The following ATRX variants were observed in gnomAD, a reference collection of about 807,000 sequenced individuals.
ATRX encodes ATRX chromatin remodeler.
Under a neutral mutation model 172.6 loss-of-function variants are expected in ATRX, and 12 were observed. The observed-to-expected ratio is 0.07, with a 90% CI of 0.04 to 0.11. The LOEUF is 0.11. Among genes scored for constraint, ATRX ranks in the 10% least tolerant of loss-of-function variants. The probability of loss-of-function intolerance (pLI) is 1.00; values close to 1 mark genes in which losing one functional copy is unlikely to be tolerated. For missense variants in ATRX, 1,368 were observed against 1,767.4 expected (o/e 0.77, Z 4.05); for synonymous variants, 674 against 594.7 (o/e 1.13, Z -1.94).
intron 1 of ATRX, among the ~76,000 whole-genome samples, chrX:77,743,345 A>C (rs782024381): frequency 9.0e-6 from 1 of 110,913 alleles, no homozygotes; most frequent in African/African-American, 3.3e-5. Context: ...CCCTCACCCA[A>C]GCATTTTGCC....
Position 77,684,215 on chromosome X carries a change from A to C in ATRX, c.1041T>G (p.Ile347Met), listed in dbSNP as rs199780997. The change falls in exon 9 of 35, where the codon ATT becomes ATG. Residue 347 changes from isoleucine to methionine, a missense_variant. Coordinates refer to ENST00000373344, the MANE Select transcript of ATRX (RefSeq NM_000489.6). Reference protein sequence around the residue: ...GSVTYSYSALIVPKEMIKKAK... With the variant: ...GSVTYSYSALMVPKEMIKKAK... ...CCTTCTTAATCATCTCTTTGGGCACAATTAGTGCGGAATAAGAGTAGGTTA... is the reference window on the plus strand; with the variant it reads ...CCTTCTTAATCATCTCTTTGGGCACCATTAGTGCGGAATAAGAGTAGGTTA... 9.1e-5 allele frequency: 110 copies of C among 1,209,835 alleles called. No homozygotes were observed. Among genetic ancestry groups the C allele is most frequent in the Non-Finnish European group, 1.2e-4 (109 of 895,115 alleles).
At chrX:77,700,333 A>G (rs781800018) in intron 2 of ATRX, among the ~76,000 whole-genome samples, 1 of 112,140 alleles carries the variant, frequency 8.9e-6, no homozygotes, top group Admixed American at 9.5e-5. Context: ...CACTGACTAC[A>G]TCAAAACTGC....
At chrX:77,704,023 C>T (rs782673065) in intron 2 of ATRX, among the ~76,000 whole-genome samples, 9 of 111,090 alleles carry the variant, frequency 8.1e-5, no homozygotes, top group African/African-American at 2.3e-4. Context: ...CTGATTATCC[C>T]GTCATCTGCA....
chrX:77,596,899 C>T (rs2066485709), intron 25 of ATRX: 1 of 110,833 alleles, frequency 9.0e-6, no homozygotes, highest in Non-Finnish European at 1.9e-5. Context: ...TGCACACTGA[C>T]TGGTCTACTC....
chrX:77,734,191 A>G (rs1164254375), intron 1 of ATRX, among the ~76,000 whole-genome samples: 1 of 105,390 alleles, frequency 9.5e-6, no homozygotes, highest in Non-Finnish European at 2.0e-5. Context: ...TCGACAAAAG[A>G]GCAAGATTCT....
intron 27 of ATRX, among the ~76,000 whole-genome samples, chrX:77,587,451 A>G (rs2066068785): frequency 8.9e-6 from 1 of 112,211 alleles, no homozygotes; most frequent in Non-Finnish European, 1.9e-5. Flanking sequence ...AACAAACTAG[A>G]AAGAGAAGAT....
intron 2 of ATRX, among the ~76,000 whole-genome samples, chrX:77,707,511 G>A (rs1361397458): frequency 8.9e-6 from 1 of 112,172 alleles, no homozygotes; most frequent in Non-Finnish European, 1.9e-5. Context: ...TTGGGAGGCC[G>A]AGGCGGGTGA....
chrX:77,533,625 C>A (rs111954687), intron 30 of ATRX, among the ~76,000 whole-genome samples: 3 of 110,642 alleles, frequency 2.7e-5, no homozygotes, highest in Admixed American at 9.6e-5. Context: ...ACACTTGGCA[C>A]CTGTGGGGGG....
At chrX:77,602,323 T>C (rs1043454443) in intron 22 of ATRX, among the ~76,000 whole-genome samples, 3 of 111,261 alleles carry the variant, frequency 2.7e-5, no homozygotes, top group African/African-American at 6.5e-5. Context: ...ATTTTAGCTG[T>C]GCCTTTTTTT....
Position 77,578,125 on chromosome X carries a change from G to C in ATRX, c.6218-3767C>G, listed in dbSNP as rs782119125. On this transcript the variant is annotated intron_variant, in intron 27 of 34. Coordinates refer to ENST00000373344, the MANE Select transcript of ATRX (RefSeq NM_000489.6). ...GCATATAAACCTGCCCAAACCAGAG[G>C]GGAATCATCCATCACAGTGATCAGA... Among the ~76,000 whole-genome samples the C allele has an allele frequency of 5.4e-5, 6 of 111,507 alleles. No individual in the cohort carries two copies. In the East Asian group the frequency reaches 1.7e-3, roughly 32 times the overall value.
chrX:77,752,188 C>G (rs1201681699), intron 1 of ATRX, among the ~76,000 whole-genome samples: 1 of 111,531 alleles, frequency 9.0e-6, no homozygotes, highest in Non-Finnish European at 1.9e-5. Context: ...CTTGAAGAGG[C>G]CCTTCACACC....
Position 77,676,303 on chromosome X carries a change from A to G in ATRX, c.3737-5T>C. ...ATTTAGATAAGGCTTCATCTCCTTG[A>G]GGGAAAAAAGTGTACTTAAAATTAG... On this transcript the variant is annotated splice_region_variant and splice_polypyrimidine_tract_variant and intron_variant, in intron 9 of 34. Transcript: ENST00000373344. The G allele has an allele frequency of 8.4e-7, 1 of 1,197,261 alleles. No homozygotes were observed. The highest frequency in any genetic ancestry group is 3.0e-5 in the East Asian group (1 of 33,532).
intron 30 of ATRX, among the ~76,000 whole-genome samples, chrX:77,533,113 T>C (rs782134703): frequency 1.8e-4 from 20 of 112,337 alleles, no homozygotes; most frequent in East Asian, 1.4e-3. Flanking sequence ...CCAATCAGAA[T>C]GGCTATTACT....
intron 21 of ATRX, among the ~76,000 whole-genome samples, chrX:77,617,677 G>A (rs1403214646): frequency 1.1e-4 from 12 of 110,858 alleles, no homozygotes; most frequent in Non-Finnish European, 2.1e-4. Flanking sequence ...GTCTGTACAT[G>A]TTCAGTACAG....
chrX:77,556,885 T>C (rs962061137), intron 30 of ATRX, among the ~76,000 whole-genome samples: 5 of 112,024 alleles, frequency 4.5e-5, no homozygotes, highest in East Asian at 5.6e-4. Context: ...CTTTACAATA[T>C]GGTGTGTAAA....
intron 22 of ATRX, among the ~76,000 whole-genome samples, chrX:77,609,071 T>G (rs2067043531): frequency 8.9e-6 from 1 of 111,814 alleles, no homozygotes; most frequent in African/African-American, 3.2e-5. Context: ...GTGGCTTTTA[T>G]CCAAAAGACA....
intron 1 of ATRX, among the ~76,000 whole-genome samples, chrX:77,782,962 G>A (rs1044794571): frequency 7.4e-5 from 8 of 107,722 alleles, no homozygotes; most frequent in Non-Finnish European, 1.4e-4. Context: ...AGCCAGGCGC[G>A]GTGGATCACA....
intron 30 of ATRX, among the ~76,000 whole-genome samples, chrX:77,528,280 C>T (rs1005037080): frequency 1.8e-5 from 2 of 112,064 alleles, no homozygotes; most frequent in Admixed American, 1.9e-4. Flanking sequence ...GGAGGGCCAG[C>T]GGCCATCTCT....
At chrX:77,671,485 G>C (rs961367605) in intron 10 of ATRX, among the ~76,000 whole-genome samples, 15 of 108,595 alleles carry the variant, frequency 1.4e-4, no homozygotes, top group Non-Finnish European at 2.3e-4. Context: ...GTTTCAATAG[G>C]CCTGAATTAT....
Sources: allele counts gnomAD v4.1 joint callset (sites outside exome capture counted in the v4.1 genomes callset), GRCh38; gene constraint gnomAD v4.1.1; transcripts MANE v1.5; gene names NCBI Gene and HGNC (gene_info 2026-07-23, HGNC 2026-07-21).